Variants in RUNX3 observed in about 807,000 individuals in gnomAD.
RUNX3 encodes the protein runt-related transcription factor 3.
Under a neutral mutation model 27.7 loss-of-function variants are expected in RUNX3, and 10 were observed. The ratio of observed to expected loss-of-function variants is 0.36; its 90% CI spans 0.22 to 0.61. RUNX3 has a LOEUF of 0.61. Among genes scored for constraint, RUNX3 ranks in the 20% least tolerant of loss-of-function variants. The pLI is 0.72. For missense variants in RUNX3, 469 were observed against 629.5 expected (o/e 0.75, Z 2.73); for synonymous variants, 270 against 269.2 (o/e 1.00, Z -0.03).
rs1401069996 is a variant in RUNX3 at position 24,902,612 on chromosome 1, G to C, written c.758C>G (p.Pro253Arg). ...SDPRQFDRSF[P>R]TLPTLTESRF... Reference sequence around the variant, plus strand: ...GCTCTCCGTGAGGGTTGGCAGCGTGGGGAAGGAGCGGTCAAACTGGCGGGG... The same window carrying C: ...GCTCTCCGTGAGGGTTGGCAGCGTGCGGAAGGAGCGGTCAAACTGGCGGGG... Residue 253 changes from proline to arginine, a missense_variant, in exon 5 of 5, where the codon CCC becomes CGC. This residue lies in a region of RUNX3 where 279 missense variants were observed against 343.0 expected (regional missense o/e 0.81). Transcript: ENST00000308873. The surrounding 1 kb of genome is among the most constrained non-coding windows in gnomAD (Gnocchi z 9.2). 1 of 1,537,008 alleles carries C rather than the reference G, an allele frequency of 6.5e-7. No homozygotes were observed. Among genetic ancestry groups the C allele is most frequent in the Admixed American group, 2.0e-5 (1 of 50,706 alleles).
chr1:24,952,966 G>A (rs1018742421), intron 2 of RUNX3, among the ~76,000 whole-genome samples: 7 of 151,418 alleles, frequency 4.6e-5, no homozygotes, highest in African/African-American at 1.7e-4. Context: ...TTTTTTTCCG[G>A]TAGCATTGAA....
At chr1:24,963,489 C>CCCGAGGA (rs1642173870) in intron 2 of RUNX3, among the ~76,000 whole-genome samples, 1 of 152,158 alleles carries the variant, frequency 6.6e-6, no homozygotes, top group South Asian at 2.1e-4. Context: ...AGAGGCACTG[C>CCCGAGGA]CCTTATACAT....
intron 2 of RUNX3, among the ~76,000 whole-genome samples, chr1:24,939,877 C>A (rs1014394541): frequency 6.6e-6 from 1 of 152,214 alleles, no homozygotes; most frequent in African/African-American, 2.4e-5. Flanking sequence ...AGCCTAGGGG[C>A]CCAGAGACCT....
At chr1:24,918,421 C>G (rs1640929132) in intron 3 of RUNX3, among the ~76,000 whole-genome samples, 1 of 152,204 alleles carries the variant, frequency 6.6e-6, no homozygotes, top group African/African-American at 2.4e-5. Flanking sequence ...CATCAAGATC[C>G]CATTCAATAG....
chr1:24,931,777 A>T (rs1312724000), upstream of RUNX3, among the ~76,000 whole-genome samples: 1 of 152,074 alleles, frequency 6.6e-6, no homozygotes, highest in African/African-American at 2.4e-5. Context: ...GACCACCGGG[A>T]GAGCTGGCCC....
chr1:24,947,830 C>T (rs1165339254), intron 2 of RUNX3, among the ~76,000 whole-genome samples: 2 of 152,206 alleles, frequency 1.3e-5, no homozygotes, highest in African/African-American at 4.8e-5. Flanking sequence ...CCCTGTCTGC[C>T]AGGCGAGGGA....
chr1:24,924,198 C>T (rs139607251), intron 2 of RUNX3, among the ~76,000 whole-genome samples: 36 of 152,224 alleles, frequency 2.4e-4, no homozygotes, highest in African/African-American at 7.7e-4. Flanking sequence ...GAACAACACC[C>T]CCATCTCTAC....
intron 2 of RUNX3, among the ~76,000 whole-genome samples, chr1:24,935,298 G>C (rs1300957593): frequency 6.6e-6 from 1 of 152,208 alleles, no homozygotes. Flanking sequence ...GAATGCGGGG[G>C]TGCACTTTCA....
upstream of RUNX3, among the ~76,000 whole-genome samples, chr1:24,932,500 C>G (rs1641254897): frequency 6.6e-6 from 1 of 152,176 alleles, no homozygotes; most frequent in Non-Finnish European, 1.5e-5. Context: ...GGTGCAGGCG[C>G]GGCGACCGCC....
intron 2 of RUNX3, among the ~76,000 whole-genome samples, chr1:24,941,419 A>C (rs995698445): frequency 6.6e-6 from 1 of 152,162 alleles, no homozygotes; most frequent in African/African-American, 2.4e-5. Flanking sequence ...CGTTATGTAC[A>C]CTCACACATG....
At chr1:24,959,965 C>T (rs1642060919) in intron 2 of RUNX3, among the ~76,000 whole-genome samples, 1 of 152,198 alleles carries the variant, frequency 6.6e-6, no homozygotes, top group African/African-American at 2.4e-5. Context: ...GTTCCTTCTG[C>T]CTGGAACATC....
chr1:24,931,460 A>C (rs533797560), upstream of RUNX3, among the ~76,000 whole-genome samples: 3 of 152,254 alleles, frequency 2.0e-5, no homozygotes, highest in African/African-American at 7.2e-5. Context: ...TGGGAGGGCA[A>C]CGGGAAAGAT....
chr1:24,964,234 C>G (rs1642194423), intron 2 of RUNX3, among the ~76,000 whole-genome samples: 1 of 152,218 alleles, frequency 6.6e-6, no homozygotes, highest in African/African-American at 2.4e-5. Context: ...TTCCCTTGGC[C>G]CCTCTGAGGG....
chr1:24,922,803 A>C (rs1641024880), intron 2 of RUNX3, among the ~76,000 whole-genome samples: 1 of 151,364 alleles, frequency 6.6e-6, no homozygotes, highest in Admixed American at 6.6e-5. Flanking sequence ...AAAAAAAAAA[A>C]AAAAGCGCTA....
At chr1:24,929,286 C>A (rs1364015918) in intron 1 of RUNX3, 1 of 632,898 alleles carries the variant, frequency 1.6e-6, no homozygotes. Context: ...TCTGAGCGAT[C>A]CGGGTTAGGG....
At chr1:24,949,338 C>T (rs1366280281) in intron 2 of RUNX3, among the ~76,000 whole-genome samples, 1 of 152,156 alleles carries the variant, frequency 6.6e-6, no homozygotes, top group Admixed American at 6.5e-5. Flanking sequence ...GCAAATCGTC[C>T]AGCGTCCAGG....
At chr1:24,917,275 C>T (rs544268334) in intron 3 of RUNX3, among the ~76,000 whole-genome samples, 2 of 152,180 alleles carry the variant, frequency 1.3e-5, no homozygotes, top group African/African-American at 4.8e-5. Context: ...CCCCTGGAGA[C>T]ATAGGGCAGG....
Position 24,929,913 on chromosome 1 carries a change from TC to T in RUNX3, c.-46del. On this transcript the variant is annotated 5_prime_UTR_variant, in exon 1 of 5. Transcript: ENST00000308873. ...CCGGGCAGGCGGAGACGGCGCGGCT[TC>T]CCCCGGGGGCGGCCGGCGCGGGCGC... is the stretch of plus-strand genomic sequence containing the variant. The T allele has an allele frequency of 8.1e-7, 1 of 1,237,352 alleles. No individual in the cohort carries two copies. 76.6% of individuals were successfully genotyped at this position (1,237,352 alleles called of 1,614,324 possible). A position where few individuals can be genotyped will look rare whatever the true frequency, so the allele number is the denominator to read the frequency against.
intron 2 of RUNX3, among the ~76,000 whole-genome samples, chr1:24,957,062 G>A (rs1193221107): frequency 6.6e-6 from 1 of 152,170 alleles, no homozygotes; most frequent in Non-Finnish European, 1.5e-5. Context: ...GTTTGGAGGG[G>A]GCTGACTTTG....
Sources: allele counts gnomAD v4.1 joint callset (sites outside exome capture counted in the v4.1 genomes callset), GRCh38; gene constraint gnomAD v4.1.1; regional missense constraint gnomAD v4.1.1; non-coding constraint Gnocchi (gnomAD v3.1); transcripts MANE v1.5; gene names NCBI Gene and HGNC (gene_info 2026-07-23, HGNC 2026-07-21).